COL22A1: variants seen among roughly 807,000 people sequenced by gnomAD.
The protein encoded by COL22A1 is collagen type XXII alpha 1 chain, also known as collagen alpha-1(XXII) chain.
COL22A1 carries 221 observed loss-of-function variants against 248.9 expected under a neutral mutation model. The observed-to-expected ratio is 0.89, with a 90% confidence interval of 0.80 to 0.99. COL22A1 has a LOEUF of 0.99. Ranked by LOEUF, COL22A1 falls within the 50% of genes least tolerant of loss-of-function variation. The probability of loss-of-function intolerance (pLI) is 0.00; values close to 1 mark genes in which losing one functional copy is unlikely to be tolerated. For missense variants in COL22A1, 2,240 were observed against 2,179.0 expected, an observed-to-expected ratio of 1.03 and a Z score of -0.56; for synonymous variants, 891 against 793.4, an observed-to-expected ratio of 1.12 and a Z score of -2.07.
Position 138,899,586 on chromosome 8 carries a change from C to G in COL22A1, c.-73+14033G>C, listed in dbSNP as rs369542327. Among the ~76,000 whole-genome samples the G allele has an allele frequency of 8.5e-5, 13 of 152,118 alleles. 1 individual carries two copies. Among genetic ancestry groups the G allele is most frequent in the East Asian group, 5.8e-4 (3 of 5,156 alleles). On this transcript the variant is annotated intron_variant, in intron 1 of 64. Transcript: ENST00000303045. ...TGGGCCAGTCTGGAGTGCAGTGGGA[C>G]AATCTTGGCTCACTGCAGCCTCCAC... is the stretch of plus-strand genomic sequence containing the variant.
intron 4 of COL22A1, among the ~76,000 whole-genome samples, chr8:138,840,582 G>C (rs185826539): frequency 1.7e-3 from 259 of 151,836 alleles, no homozygotes; most frequent in African/African-American, 5.7e-3. Flanking sequence ...TTCCCAGCAA[G>C]AATCAGTTAT....
chr8:138,862,432 C>T (rs1328943068), intron 3 of COL22A1, among the ~76,000 whole-genome samples: 1 of 152,082 alleles, frequency 6.6e-6, no homozygotes, highest in Non-Finnish European at 1.5e-5. Context: ...GAGCTGAGGC[C>T]ACTGCTGTCC....
rs73351986 is a variant in COL22A1 at position 138,877,602 on chromosome 8, T to C, written c.658+148A>G. 3.3e-3 allele frequency: 2,458 copies of C among 745,876 alleles called. 38 individuals are homozygous for C. The African/African-American group carries it at 0.04, about 12-fold the overall frequency. The allele number at this position is 745,876 out of a possible 1,614,324, so 46.2% of individuals were successfully genotyped here. On this transcript the variant is annotated intron_variant, in intron 3 of 64. Transcript: ENST00000303045. ...TTCCCTGTGTGGCCAAACCCAAGAA[T>C]GTGGGTCCCCTCAGCCTCTGCACCT...
At chr8:138,762,535 C>G (rs1833571686) in intron 16 of COL22A1, 69 bp from the exon 17 acceptor site, 2 of 1,441,092 alleles carry the variant, frequency 1.4e-6, no homozygotes, top group African/African-American at 1.4e-5. Flanking sequence ...GCACACATCC[C>G]CACAGTGACC....
At chr8:138,679,747 C>T in intron 39 of COL22A1, 71 bp from the exon 40 acceptor site, 1 of 1,397,620 alleles carries the variant, frequency 7.2e-7, no homozygotes, top group Non-Finnish European at 1.0e-6. Flanking sequence ...ATAATTCAGC[C>T]CCTCTGTTAG....
chr8:138,864,667 G>C (rs1251594402), intron 3 of COL22A1, among the ~76,000 whole-genome samples: 1 of 152,194 alleles, frequency 6.6e-6, no homozygotes, highest in African/African-American at 2.4e-5. Context: ...GGCTGCTCTG[G>C]TTAGGGCCGA....
intron 1 of COL22A1, among the ~76,000 whole-genome samples, chr8:138,897,276 A>G (rs1291034437): frequency 6.6e-6 from 1 of 151,742 alleles, no homozygotes; most frequent in Non-Finnish European, 1.5e-5. Flanking sequence ...GGCCAGGTAC[A>G]GTGGCTCACA....
rs920475627 is a variant in COL22A1, at chr8:138,588,643, A to G, written c.*610T>C. 3 of 152,190 alleles carry G rather than the reference A, an allele frequency of 2.0e-5. No homozygotes were observed. The highest frequency in any genetic ancestry group is 7.2e-5 in the African/African-American group (3 of 41,432). 9.4% of individuals were successfully genotyped at this position (152,190 alleles called of 1,614,324 possible). Reference sequence around the variant, plus strand: ...TGGCTGGAGTGCACCCTGAGGGCTGATTCTGTGTTTTCCAAATGCACGTCC... The same window carrying G: ...TGGCTGGAGTGCACCCTGAGGGCTGGTTCTGTGTTTTCCAAATGCACGTCC... On this transcript the variant is annotated 3_prime_UTR_variant, in exon 65 of 65. Coordinates refer to ENST00000303045, the MANE Select transcript of COL22A1 (RefSeq NM_152888.3).
At chr8:138,797,851 G>C (rs1371704461) in intron 11 of COL22A1, among the ~76,000 whole-genome samples, 1 of 151,830 alleles carries the variant, frequency 6.6e-6, no homozygotes, top group East Asian at 1.9e-4. Context: ...GGTTTTGTTA[G>C]GTGCATATAT....
intron 1 of COL22A1, among the ~76,000 whole-genome samples, chr8:138,898,045 C>T (rs1010379074): frequency 6.6e-6 from 1 of 152,132 alleles, no homozygotes; most frequent in Admixed American, 6.5e-5. Flanking sequence ...AGGCCTCTTT[C>T]ATAAGAACAC....
chr8:138,709,079 C>G (rs1339961761), intron 30 of COL22A1, among the ~76,000 whole-genome samples: 1 of 152,108 alleles, frequency 6.6e-6, no homozygotes, highest in Non-Finnish European at 1.5e-5. Context: ...TAATCAAAAC[C>G]ACAATGAGAT....
At chr8:138,872,561 C>T (rs1309534146) in intron 3 of COL22A1, among the ~76,000 whole-genome samples, 1 of 152,330 alleles carries the variant, frequency 6.6e-6, no homozygotes, top group African/African-American at 2.4e-5. Context: ...ATATAAAGCT[C>T]GTTTTGTGGC....
At chr8:138,617,373 T>TG (rs5895537) in intron 53 of COL22A1, among the ~76,000 whole-genome samples, 108,878 of 151,880 alleles carry the variant, frequency 0.72, 42,287 homozygotes, top group Middle Eastern at 0.87. Flanking sequence ...TTAGGTCCTG[T>TG]GGCCCCTTCC....
In COL22A1 at chr8:138,626,196, T is replaced by C. The variant is rs774513369; in HGVS notation, c.3711A>G (p.Gly1237=). 6.2e-7 allele frequency: 1 copy of C among 1,601,260 alleles called. No individual in the cohort carries two copies. Among genetic ancestry groups the C allele is most frequent in the Non-Finnish European group, 8.5e-7 (1 of 1,176,264 alleles). ...TTTTATAAAAGCCACTTACTGGGAT[T>C]CCGGGTAATCCAGATGGGCCTTGGG... is the stretch of plus-strand genomic sequence containing the variant. ...PGPQGPSGLP[G]IPGEEGKEGR... is the part of the protein sequence containing the mutation. Residue 1237 remains glycine (G), a synonymous_variant, in exon 51 of 65, where the codon GGA becomes GGG. Transcript: ENST00000303045.
At chr8:138,870,751 G>A (rs1261175317) in intron 3 of COL22A1, among the ~76,000 whole-genome samples, 1 of 151,668 alleles carries the variant, frequency 6.6e-6, no homozygotes, top group Non-Finnish European at 1.5e-5. Flanking sequence ...GTGTATGTGT[G>A]TATGCATATA....
intron 39 of COL22A1, among the ~76,000 whole-genome samples, chr8:138,680,874 A>G (rs1208973889): frequency 1.3e-5 from 2 of 152,232 alleles, no homozygotes; most frequent in Non-Finnish European, 2.9e-5. Context: ...GACATCTCAC[A>G]TTTTAAGTAG....
Position 138,807,758 on chromosome 8 carries a change from C to T in COL22A1, c.1494+10G>A, listed in dbSNP as rs1274560079. ...GTTCTAAACTACACCTCTGCCATGC[C>T]TGTACTGACCTTTGGACCAGGGAGC... is the stretch of plus-strand genomic sequence containing the variant. On this transcript the variant is annotated intron_variant, in intron 10 of 64. Transcript: ENST00000303045. 1.2e-6 allele frequency: 2 copies of T among 1,613,670 alleles called. No homozygotes were observed. The highest frequency in any genetic ancestry group is 3.3e-5 in the Admixed American group (2 of 60,008).
At chr8:138,777,250 G>C (rs1451852150) in intron 15 of COL22A1, among the ~76,000 whole-genome samples, 1 of 152,206 alleles carries the variant, frequency 6.6e-6, no homozygotes, top group African/African-American at 2.4e-5. Flanking sequence ...CTTTGACCTA[G>C]AGAGAGTACA....
At chr8:138,847,864 G>T (rs1246438563) in intron 3 of COL22A1, among the ~76,000 whole-genome samples, 1 of 151,680 alleles carries the variant, frequency 6.6e-6, no homozygotes, top group African/African-American at 2.4e-5. Context: ...ACTTGCAGTT[G>T]AGTGCATTCC....
Sources: gnomAD v4.1 joint callset for allele counts (sites outside exome capture counted in the v4.1 genomes callset) on GRCh38, gnomAD v4.1.1 for gene constraint, MANE v1.5 for transcripts, NCBI Gene and HGNC (gene_info 2026-07-23, HGNC 2026-07-21) for gene names.